The following ATP10A variants were observed in gnomAD, a reference collection of about 807,000 sequenced individuals.
ATP10A encodes the protein ATPase phospholipid transporting 10A (putative).
A neutral mutation model predicts 147.8 loss-of-function variants in ATP10A; 111 were observed. The ratio of observed to expected loss-of-function variants is 0.75; its 90% CI spans 0.64 to 0.88. The LOEUF is 0.88. Ranked by LOEUF, ATP10A falls within the 40% of genes least tolerant of loss-of-function variation. ATP10A has a pLI of 0.00. For synonymous variants in ATP10A, 875 were observed against 841.6 expected, an observed-to-expected ratio of 1.04 and a Z score of -0.69; for missense variants, 1,927 against 1,959.0, an observed-to-expected ratio of 0.98 and a Z score of 0.31.
chr15:25,862,000 A>G, intron 1 of ATP10A: 1 of 325,696 alleles, frequency 3.1e-6, no homozygotes, highest in Middle Eastern at 1.1e-3. Flanking sequence ...GGGCTCACAA[A>G]CACCCCACAG....
intron 12 of ATP10A, among the ~76,000 whole-genome samples, chr15:25,704,969 G>A (rs1016911334): frequency 5.9e-5 from 9 of 152,214 alleles, no homozygotes; most frequent in South Asian, 2.1e-4. Flanking sequence ...TTTCACCAAC[G>A]AGGAAGTTTT....
chr15:25,721,932 GATGA>G lies in ATP10A; in HGVS notation c.1111-27_1111-24del, dbSNP rs1312896979. ...AACCTGGAAGAGACAAGGCACACAG[GATGA>G]ATGACCGTGAGGACCAGGGAGCTGG... is the stretch of plus-strand genomic sequence containing the variant. On this transcript the variant is annotated intron_variant, in intron 6 of 20. Transcript: ENST00000555815. 3 of 1,605,470 alleles carry G rather than the reference GATGA, an allele frequency of 1.9e-6. No individual in the cohort carries two copies. The African/African-American group carries it at 4.0e-5, about 21-fold the overall frequency.
chr15:25,859,285 T>C (rs903602065), intron 1 of ATP10A, among the ~76,000 whole-genome samples: 1 of 152,174 alleles, frequency 6.6e-6, no homozygotes, highest in African/African-American at 2.4e-5. Context: ...GGACACTCAG[T>C]GTTGGAGACC....
intron 1 of ATP10A, among the ~76,000 whole-genome samples, chr15:25,832,437 C>T (rs1724878515): frequency 6.6e-6 from 1 of 152,190 alleles, no homozygotes; most frequent in African/African-American, 2.4e-5. Context: ...AAGGCAAAGT[C>T]ATCACAAAGA....
At chr15:25,837,163 C>A (rs1892633702) in intron 1 of ATP10A, among the ~76,000 whole-genome samples, 1 of 152,154 alleles carries the variant, frequency 6.6e-6, no homozygotes, top group Non-Finnish European at 1.5e-5. Context: ...ACCATATTAG[C>A]TTCAGTCCTC....
chr15:25,760,637 A>G (rs1420914760), intron 2 of ATP10A, among the ~76,000 whole-genome samples: 4 of 152,236 alleles, frequency 2.6e-5, no homozygotes, highest in African/African-American at 9.6e-5. Flanking sequence ...TTCCAAAACT[A>G]TAATAGCACA....
chr15:25,720,739 T>C (rs931822868), intron 7 of ATP10A, among the ~76,000 whole-genome samples: 1 of 152,238 alleles, frequency 6.6e-6, no homozygotes, highest in African/African-American at 2.4e-5. Flanking sequence ...CTCTGCCTTC[T>C]GTTTACTATG....
intron 15 of ATP10A, among the ~76,000 whole-genome samples, chr15:25,691,382 A>G (rs1027565263): frequency 1.3e-5 from 2 of 152,188 alleles, no homozygotes; most frequent in Non-Finnish European, 2.9e-5. Context: ...GTTCACGGAC[A>G]GTAAAAAGTG....
intron 9 of ATP10A, 47 bp downstream of exon 9, chr15:25,716,683 G>A (rs1203974375): frequency 1.1e-5 from 16 of 1,466,488 alleles, no homozygotes; most frequent in African/African-American, 4.3e-5. Flanking sequence ...ACCATGGCCC[G>A]CAGCGCAGAA....
chr15:25,862,884 C>A lies in ATP10A; in HGVS notation c.213G>T (p.Leu71=), dbSNP rs749416045. ...DNRLKTTKYT[L]LSFLPKNLFE... ...ACAGGTTCTTGGGCAGGAAGGACAGCAGCGTGTACTTGGTAGTCTTGAGCC... is the reference window on the plus strand; with the variant it reads ...ACAGGTTCTTGGGCAGGAAGGACAGAAGCGTGTACTTGGTAGTCTTGAGCC... The change falls in exon 1 of 21, where the codon CTG becomes CTT. Residue 71 remains leucine, a synonymous_variant. Transcript: ENST00000555815. The A allele has an allele frequency of 4.3e-6, 7 of 1,611,932 alleles. No homozygotes were observed. The highest frequency in any genetic ancestry group is 1.3e-5 in the African/African-American group (1 of 74,930).
At chr15:25,772,957 G>A (rs1019297229) in intron 2 of ATP10A, among the ~76,000 whole-genome samples, 1 of 152,156 alleles carries the variant, frequency 6.6e-6, no homozygotes, top group Non-Finnish European at 1.5e-5. Flanking sequence ...GGTTCACGAA[G>A]TCATTTCCTT....
chr15:25,700,852 T>C (rs1900618617), intron 13 of ATP10A, among the ~76,000 whole-genome samples: 1 of 151,218 alleles, frequency 6.6e-6, no homozygotes, highest in Non-Finnish European at 1.5e-5. Context: ...TATAGATAAA[T>C]AAATAAAAGC....
rs530340663 is a variant in ATP10A at position 25,743,451 on chromosome 15, GA to G, written c.655-7311del. Among the ~76,000 whole-genome samples the G allele has an allele frequency of 6.1e-4, 93 of 152,312 alleles. No individual in the cohort carries two copies. In the East Asian group the frequency reaches 9.8e-3, roughly 16 times the overall value. ...CCTGGAGGTATGAAGGATTTAACAA[GA>G]AAGTGAAGAATAAGCAAGCCAAGAA... On this transcript the variant is annotated intron_variant, in intron 2 of 20. Coordinates refer to ENST00000555815, the MANE Select transcript of ATP10A (RefSeq NM_024490.4).
chr15:25,769,913 C>A (rs971759514), intron 2 of ATP10A, among the ~76,000 whole-genome samples: 8 of 152,126 alleles, frequency 5.3e-5, no homozygotes, highest in African/African-American at 1.9e-4. Flanking sequence ...GGACCCTGAT[C>A]CAACAGGACT....
At chr15:25,836,538 C>T (rs1892604452) in intron 1 of ATP10A, among the ~76,000 whole-genome samples, 1 of 152,190 alleles carries the variant, frequency 6.6e-6, no homozygotes, top group Non-Finnish European at 1.5e-5. Context: ...TCATCAAACT[C>T]CTGTCTACCC....
intron 13 of ATP10A, among the ~76,000 whole-genome samples, chr15:25,697,336 G>T (rs1019270293): frequency 2.0e-5 from 3 of 152,132 alleles, no homozygotes; most frequent in Non-Finnish European, 4.4e-5. Flanking sequence ...ATTCTCCATA[G>T]AAATTAAAAA....
chr15:25,793,290 G>A (rs1890519534), intron 1 of ATP10A, among the ~76,000 whole-genome samples: 1 of 152,320 alleles, frequency 6.6e-6, no homozygotes, highest in South Asian at 2.1e-4. Context: ...GGGAGAATGA[G>A]CACTGCAATC....
intron 2 of ATP10A, among the ~76,000 whole-genome samples, chr15:25,747,490 CTAAT>C (rs1466904000): frequency 6.6e-6 from 1 of 151,364 alleles, no homozygotes; most frequent in African/African-American, 2.4e-5. Context: ...ATAAAAATAA[CTAAT>C]TAAAAGACAA....
chr15:25,673,359 G>A (rs1306185993), downstream of ATP10A, among the ~76,000 whole-genome samples: 2 of 152,170 alleles, frequency 1.3e-5, no homozygotes, highest in African/African-American at 4.8e-5. Context: ...CTGGGTGTCG[G>A]TCTTATACAA....
Sources: allele counts gnomAD v4.1 joint callset (sites outside exome capture counted in the v4.1 genomes callset), GRCh38; gene constraint gnomAD v4.1.1; transcripts MANE v1.5; gene names NCBI Gene and HGNC (gene_info 2026-07-23, HGNC 2026-07-21).